The following TMEM245 variants were observed in gnomAD, a reference collection of about 807,000 sequenced individuals.
The protein encoded by TMEM245 is protein CG-2.
Under a neutral mutation model 101.2 loss-of-function variants are expected in TMEM245, and 69 were observed. That is an observed-to-expected ratio of 0.68 (90% CI 0.56 to 0.83). TMEM245 has a LOEUF of 0.83. TMEM245 is among the 40% of genes least tolerant of loss of function. The pLI, the probability that TMEM245 is intolerant of heterozygous loss-of-function variation, is 0.00. For synonymous variants in TMEM245, 537 were observed against 449.8 expected, an observed-to-expected ratio of 1.19 and a Z score of -2.45; for missense variants, 1,075 against 1,092.8, an observed-to-expected ratio of 0.98 and a Z score of 0.23.
intron 9 of TMEM245, among the ~76,000 whole-genome samples, chr9:109,073,049 C>T (rs1829382303): frequency 6.6e-6 from 1 of 152,144 alleles, no homozygotes; most frequent in Admixed American, 6.5e-5. Flanking sequence ...ATCTATCTCA[C>T]ACAGTCACTG....
intron 17 of TMEM245, among the ~76,000 whole-genome samples, chr9:109,024,544 T>C (rs75371500): frequency 0.032 from 4,943 of 152,268 alleles, 285 homozygotes; most frequent in African/African-American, 0.11. Context: ...AAAACGCGTA[T>C]TAAGTTCCAA....
intron 3 of TMEM245, among the ~76,000 whole-genome samples, chr9:109,097,497 A>C (rs1289230964): frequency 1.3e-5 from 2 of 152,240 alleles, no homozygotes; most frequent in Admixed American, 6.5e-5. Context: ...TTCAAATCCC[A>C]GGTCTATTCT....
chr9:109,100,430 C>A (rs1403861842), intron 3 of TMEM245, among the ~76,000 whole-genome samples: 5 of 152,146 alleles, frequency 3.3e-5, no homozygotes, highest in Non-Finnish European at 7.4e-5. Flanking sequence ...CTCAAACAAT[C>A]CTCCATCTTC....
In TMEM245 at chr9:109,050,420, G is replaced by C. The variant is rs1828639579; in HGVS notation, c.1986C>G (p.Phe662Leu). Residue 662 changes from phenylalanine (F) to leucine (L), a missense_variant, in exon 14 of 18, where the codon TTC becomes TTG. By Grantham distance (22) the Phe-to-Leu change is conservative. This residue lies in a region of TMEM245 where 267 missense variants were observed against 351.3 expected (regional missense o/e 0.76). Coordinates refer to ENST00000374586, the MANE Select transcript of TMEM245 (RefSeq NM_032012.4). The stretch of plus-strand genomic sequence containing the variant: ...TTAATAGATAAAATAGTGTGGTCAG[G>C]AAAATTATCTGCAAAACAAAGGACA... Reference protein sequence around the residue: ...LLNFVLSLIIFLTTLFYLLSS... With the variant: ...LLNFVLSLIILLTTLFYLLSS... The C allele has an allele frequency of 6.2e-7, 1 of 1,613,920 alleles. No homozygotes were observed. The highest frequency in any genetic ancestry group is 1.3e-5 in the African/African-American group (1 of 74,996).
chr9:109,045,140 T>C lies in TMEM245; in HGVS notation c.2123+5143A>G, dbSNP rs529442179. The stretch of plus-strand genomic sequence containing the variant: ...TAATTTATTGTTGAACTACAGTCAT[T>C]CTACAGTGCTGTAGAACATTAGAAC... On this transcript the variant is annotated intron_variant, in intron 14 of 17. Transcript: ENST00000374586. Among the ~76,000 whole-genome samples, 3 of 152,332 alleles carry C rather than the reference T, an allele frequency of 2.0e-5. No individual in the cohort carries two copies. The South Asian group carries it at 6.2e-4, about 32-fold the overall frequency.
intron 11 of TMEM245, among the ~76,000 whole-genome samples, chr9:109,059,687 AAAAT>A (rs886192562): frequency 4.6e-5 from 7 of 152,222 alleles, no homozygotes; most frequent in African/African-American, 1.7e-4. Context: ...CCTGTCTCAA[AAAAT>A]AAATAAATAA....
intron 10 of TMEM245, 58 bp downstream of exon 10, chr9:109,064,419 G>C: frequency 6.7e-7 from 1 of 1,483,244 alleles, no homozygotes; most frequent in East Asian, 2.3e-5. Context: ...AAAGCAACAA[G>C]CAACCACCAG....
intron 10 of TMEM245, among the ~76,000 whole-genome samples, chr9:109,063,744 T>A (rs377355725): frequency 1.2e-4 from 19 of 152,302 alleles, no homozygotes; most frequent in African/African-American, 4.6e-4. Context: ...GATCATTTCC[T>A]CAAGCACACT....
At position 109,066,425 on chromosome 9, in the gene TMEM245, A is replaced by G. The variant is rs1030592069; in HGVS notation, c.1533-1858T>C. Among the ~76,000 whole-genome samples the G allele has an allele frequency of 4.5e-5, 6 of 131,982 alleles. No homozygotes were observed. The South Asian group carries it at 1.0e-3, about 23-fold the overall frequency. 86.6% of individuals were successfully genotyped at this position (131,982 alleles called of 152,430 possible). A position where few individuals can be genotyped will look rare whatever the true frequency, so the allele number is the denominator to read the frequency against. On this transcript the variant is annotated intron_variant, in intron 9 of 17. Transcript: ENST00000374586. Reference sequence around the variant, plus strand: ...AGCCAAGATCATACCACTACCCTCCAGCCTGGGCAAAAGAGCAAGACTGTC... The same window carrying G: ...AGCCAAGATCATACCACTACCCTCCGGCCTGGGCAAAAGAGCAAGACTGTC...
Position 109,035,492 on chromosome 9 carries a change from T to C in TMEM245, c.2399+714A>G, listed in dbSNP as rs577904334. Among the ~76,000 whole-genome samples, 6 of 152,348 alleles carry C rather than the reference T, an allele frequency of 3.9e-5. 1 individual carries two copies. Among genetic ancestry groups the C allele is most frequent in the South Asian group, 2.1e-4 (1 of 4,832 alleles). On this transcript the variant is annotated intron_variant, in intron 16 of 17. Transcript: ENST00000374586. ...ACTTAGATTTAACCTGTATTTATCA[T>C]AGAACCATTCCAATTATATCTTTAG...
At chr9:109,093,628 G>T in intron 3 of TMEM245, 37 bp from the exon 4 acceptor site, 1 of 1,542,662 alleles carries the variant, frequency 6.5e-7, no homozygotes, top group Non-Finnish European at 9.0e-7. Flanking sequence ...ACTCTTTAAA[G>T]TAGGAAATAA....
intron 1 of TMEM245, among the ~76,000 whole-genome samples, chr9:109,112,339 G>A (rs1000188510): frequency 6.6e-6 from 1 of 151,956 alleles, no homozygotes; most frequent in African/African-American, 2.4e-5. Context: ...TCAGGAGTTC[G>A]AGACCAGCCT....
intron 7 of TMEM245, among the ~76,000 whole-genome samples, chr9:109,083,588 C>A (rs112913824): frequency 6.6e-6 from 1 of 151,962 alleles, no homozygotes; most frequent in Non-Finnish European, 1.5e-5. Flanking sequence ...TATAGTTACA[C>A]CAAAAGATAC....
intron 7 of TMEM245, among the ~76,000 whole-genome samples, chr9:109,084,197 T>C (rs889822249): frequency 6.6e-6 from 1 of 152,204 alleles, no homozygotes; most frequent in African/African-American, 2.4e-5. Flanking sequence ...GGTTTCCTAA[T>C]TCACTCCACT....
intron 9 of TMEM245, among the ~76,000 whole-genome samples, chr9:109,071,511 G>T (rs75128146): frequency 0.22 from 33,002 of 151,362 alleles, 4,367 homozygotes; most frequent in Admixed American, 0.3. Flanking sequence ...GACTAAAGTG[G>T]GAGGAATGAT....
In TMEM245 at chr9:109,064,581, A is replaced by C. The variant is rs759367465; in HGVS notation, c.1533-14T>G. The C allele has an allele frequency of 5.0e-6, 8 of 1,608,826 alleles. No homozygotes were observed. The Admixed American group carries it at 5.1e-5, about 10-fold the overall frequency. ...TCAGGAAGCCAACTAATGTAAAACA[A>C]AGAAAAAAATGAAAAAAGTACACTT... On this transcript the variant is annotated splice_polypyrimidine_tract_variant and intron_variant, in intron 9 of 17. Transcript: ENST00000374586.
chr9:109,045,457 T>C (rs1320450193), intron 14 of TMEM245, among the ~76,000 whole-genome samples: 1 of 152,184 alleles, frequency 6.6e-6, no homozygotes, highest in Non-Finnish European at 1.5e-5. Flanking sequence ...AGCATCACAA[T>C]AGATCATCTG....
At chr9:109,041,972 C>T (rs1012352068) in intron 14 of TMEM245, among the ~76,000 whole-genome samples, 5 of 152,012 alleles carry the variant, frequency 3.3e-5, no homozygotes, top group African/African-American at 4.8e-5. Context: ...TCTACTATAA[C>T]CACAAAAAAT....
chr9:109,110,498 A>C (rs901743962), intron 1 of TMEM245, among the ~76,000 whole-genome samples: 1 of 152,154 alleles, frequency 6.6e-6, no homozygotes, highest in Admixed American at 6.5e-5. Flanking sequence ...ACTAAAGATA[A>C]GCAAAAGCTG....
Sources: allele counts gnomAD v4.1 joint callset (sites outside exome capture counted in the v4.1 genomes callset), GRCh38; gene constraint gnomAD v4.1.1; regional missense constraint gnomAD v4.1.1; transcripts MANE v1.5; gene names NCBI Gene and HGNC (gene_info 2026-07-23, HGNC 2026-07-21).